Variants in USP34 observed in about 807,000 individuals in gnomAD.
The protein encoded by USP34 is ubiquitin specific peptidase 34.
In USP34, 70 loss-of-function variants were observed where a neutral mutation model predicts 460.3. The ratio of observed to expected loss-of-function variants is 0.15; its 90% CI spans 0.13 to 0.19. The LOEUF (loss-of-function observed/expected upper bound fraction) is 0.19, where lower values mean the gene tolerates loss of function less well. Among genes scored for constraint, USP34 ranks in the 10% least tolerant of loss-of-function variants. The pLI is 1.00. For synonymous variants in USP34, 1,647 were observed against 1,405.3 expected (o/e 1.17, Z -3.85); for missense variants, 3,985 against 4,236.2 (o/e 0.94, Z 1.65).
intron 27 of USP34, among the ~76,000 whole-genome samples, chr2:61,301,881 C>T (rs1452350241): frequency 6.6e-6 from 1 of 152,004 alleles, no homozygotes; most frequent in African/African-American, 2.4e-5. Context: ...TCTCCTTTAT[C>T]TTTCTTTAAA....
rs1383925131 is a variant in USP34 at position 61,388,519 on chromosome 2, G to T, written c.754-5183C>A. ...CACCTGTAATTTCAGCACTTTGGGAGGCCGATGCAGGCGGATCATGAGGTC... is the reference window on the plus strand; with the variant it reads ...CACCTGTAATTTCAGCACTTTGGGATGCCGATGCAGGCGGATCATGAGGTC... On this transcript the variant is annotated intron_variant, in intron 5 of 79. Transcript: ENST00000398571. Among the ~76,000 whole-genome samples the T allele has an allele frequency of 4.6e-5, 7 of 151,238 alleles. No individual in the cohort carries two copies. The East Asian group carries it at 1.4e-3, about 29-fold the overall frequency.
At chr2:61,417,337 C>T (rs1694225874) in intron 2 of USP34, 3 of 645,728 alleles carry the variant, frequency 4.6e-6, no homozygotes, top group South Asian at 1.7e-5. Flanking sequence ...GCACACTGGA[C>T]CCCCATAAGG....
intron 5 of USP34, among the ~76,000 whole-genome samples, chr2:61,387,587 A>G (rs1362957988): frequency 1.4e-5 from 2 of 147,548 alleles, no homozygotes; most frequent in East Asian, 1.9e-4. Context: ...TAAAATATAT[A>G]TATTTATATA....
chr2:61,285,196 C>T (rs2103965103), intron 34 of USP34, among the ~76,000 whole-genome samples: 1 of 152,162 alleles, frequency 6.6e-6, no homozygotes, highest in East Asian at 1.9e-4. Context: ...AGAGCAGCAA[C>T]TGTAGGCTGG....
chr2:61,251,907 T>G (rs1688594091), intron 48 of USP34, among the ~76,000 whole-genome samples: 1 of 151,990 alleles, frequency 6.6e-6, no homozygotes, highest in Non-Finnish European at 1.5e-5. Context: ...TACGTGACTG[T>G]GCATTTGTTT....
chr2:61,397,792 G>A (rs546138765), intron 3 of USP34, among the ~76,000 whole-genome samples: 27 of 152,192 alleles, frequency 1.8e-4, no homozygotes, highest in Admixed American at 9.8e-4. Flanking sequence ...CCAGCTCCTC[G>A]GGAGGCTGAG....
chr2:61,309,073 C>T (rs1312773511), intron 27 of USP34, among the ~76,000 whole-genome samples: 10 of 151,998 alleles, frequency 6.6e-5, no homozygotes, highest in African/African-American at 1.9e-4. Context: ...AAAAGATACA[C>T]TGCATGTAAA....
chr2:61,267,301 A>T (rs1302739178), intron 41 of USP34, among the ~76,000 whole-genome samples: 1 of 152,210 alleles, frequency 6.6e-6, no homozygotes, highest in African/African-American at 2.4e-5. Context: ...AACTCTTGAA[A>T]GACGTACCAA....
In USP34 at chr2:61,267,975, C is replaced by T. The variant is rs147481479; in HGVS notation, c.5434-1808G>A. Among the ~76,000 whole-genome samples, 532 of 151,774 alleles carry T rather than the reference C, an allele frequency of 3.5e-3. 2 individuals are homozygous for T. The highest frequency in any genetic ancestry group is 0.011 in the African/African-American group (441 of 41,394). ...TTCACGATGTTGGCCAGGCTGGTCT[C>T]GGCCTCCTGACCTTGTGATTCGCCA... On this transcript the variant is annotated intron_variant, in intron 41 of 79. Coordinates refer to ENST00000398571, the MANE Select transcript of USP34 (RefSeq NM_014709.4).
Position 61,380,266 on chromosome 2 carries a change from G to T in USP34, c.917C>A (p.Thr306Lys). The change falls in exon 7 of 80, where the codon ACA (threonine) becomes AAA (lysine). Residue 306 changes from threonine to lysine, a missense_variant. Physicochemically the swap from Thr to Lys is moderately conservative, Grantham distance 78. Transcript: ENST00000398571. ...MWSTVKEPLD[T>K]TLCFDKESLD... ...GCTTTCTTTATCAAAGCATAATGTT[G>T]TATCCAATGGTTCTTTGACTGTGCT... is the stretch of plus-strand genomic sequence containing the variant. 6.2e-7 allele frequency: 1 copy of T among 1,614,070 alleles called. No individual in the cohort carries two copies. Among genetic ancestry groups the T allele is most frequent in the Non-Finnish European group, 8.5e-7 (1 of 1,179,982 alleles).
intron 1 of USP34, among the ~76,000 whole-genome samples, chr2:61,430,236 G>GA (rs70963428): frequency 1.9e-4 from 26 of 138,106 alleles, no homozygotes; most frequent in African/African-American, 4.5e-4. Flanking sequence ...AAAAAGAAAA[G>GA]AAAAAAAAAA....
chr2:61,425,398 C>T lies in USP34; in HGVS notation c.44-4565G>A, dbSNP rs774128153. 7.0e-4 allele frequency among the ~76,000 whole-genome samples: 106 copies of T among 152,032 alleles called. 3 individuals carry two copies. The highest frequency in any genetic ancestry group is 2.2e-4 in the Non-Finnish European group (15 of 67,974). ...TTAGCAACTACGCACACTTCCTGTTCCCCCAGCCAGCAGCAAAAGGCCTGG... is the reference window on the plus strand; with the variant it reads ...TTAGCAACTACGCACACTTCCTGTTTCCCCAGCCAGCAGCAAAAGGCCTGG... On this transcript the variant is annotated intron_variant, in intron 1 of 79. Transcript: ENST00000398571.
intron 44 of USP34, among the ~76,000 whole-genome samples, chr2:61,259,482 G>C (rs1688813687): frequency 6.6e-6 from 1 of 151,644 alleles, no homozygotes; most frequent in South Asian, 2.1e-4. Flanking sequence ...CTGCCTCCTG[G>C]GCTCAAGCGA....
At chr2:61,279,174 ATAC>A (rs1389330662) in intron 39 of USP34, among the ~76,000 whole-genome samples, 2 of 152,116 alleles carry the variant, frequency 1.3e-5, no homozygotes, top group African/African-American at 4.8e-5. Flanking sequence ...AACTTGCTCA[ATAC>A]TAATTTTTGT....
intron 1 of USP34, among the ~76,000 whole-genome samples, chr2:61,449,614 T>C (rs189970393): frequency 2.8e-4 from 42 of 151,432 alleles, no homozygotes; most frequent in Admixed American, 5.9e-4. Context: ...GGCGTAAGGA[T>C]AGACATACAG....
At position 61,347,923 on chromosome 2, in the gene USP34, A is replaced by G. The variant is rs1691821988; in HGVS notation, c.2232T>C (p.Phe744=). The change falls in exon 15 of 80, where the codon TTT becomes TTC. Residue 744 remains phenylalanine, a synonymous_variant. Transcript: ENST00000398571. The part of the protein sequence containing the change: ...IGNELFNCRQ[F]IGPQHHHHHH... ...GGTGGTGGTGATGCTGTGGACCAAT[A>G]AATTGTCGACAATTAAATAATTCAT... 6.2e-7 allele frequency: 1 copy of G among 1,613,998 alleles called. No homozygotes were observed. Among genetic ancestry groups the G allele is most frequent in the South Asian group, 1.1e-5 (1 of 91,064 alleles).
chr2:61,256,179 C>T (rs1415430692), intron 48 of USP34, among the ~76,000 whole-genome samples: 1 of 152,142 alleles, frequency 6.6e-6, no homozygotes, highest in Non-Finnish European at 1.5e-5. Context: ...TGAGTGATTA[C>T]CACTTTCATA....
At chr2:61,217,311 A>G (rs746522101) in intron 67 of USP34, among the ~76,000 whole-genome samples, 4 of 152,234 alleles carry the variant, frequency 2.6e-5, no homozygotes, top group Non-Finnish European at 5.9e-5. Context: ...TTCCATGTCT[A>G]TATGGCAACT....
intron 37 of USP34, 98 bp from the exon 38 acceptor site, chr2:61,281,340 T>C: frequency 7.1e-7 from 1 of 1,416,564 alleles, no homozygotes. Flanking sequence ...TACAATGTTC[T>C]GCCGGGCAAG....
Sources: allele counts gnomAD v4.1 joint callset (sites outside exome capture counted in the v4.1 genomes callset), GRCh38; gene constraint gnomAD v4.1.1; transcripts MANE v1.5; gene names NCBI Gene and HGNC (gene_info 2026-07-23, HGNC 2026-07-21).